The following AFF2 variants were observed in gnomAD, a reference collection of about 807,000 sequenced individuals.
AFF2 encodes AF4/FMR2 family member 2.
In AFF2, 14 loss-of-function variants were observed where a neutral mutation model predicts 76.9. The ratio of observed to expected loss-of-function variants is 0.18; its 90% CI spans 0.12 to 0.28. The LOEUF is 0.28. Ranked by LOEUF, AFF2 falls within the 10% of genes least tolerant of loss-of-function variation. AFF2 has a pLI of 1.00. For missense variants in AFF2, 868 were observed against 1,001.1 expected (o/e 0.87, Z 1.79); for synonymous variants, 398 against 366.7 (o/e 1.09, Z -0.98).
At chrX:148,520,799 A>C (rs1263501212) in intron 1 of AFF2, among the ~76,000 whole-genome samples, 1 of 112,631 alleles carries the variant, frequency 8.9e-6, no homozygotes, top group South Asian at 3.6e-4. Flanking sequence ...TTTCTAAAAA[A>C]AATATTAAGG....
At chrX:148,717,712 A>G (rs1423490717) in intron 3 of AFF2, among the ~76,000 whole-genome samples, 6 of 111,425 alleles carry the variant, frequency 5.4e-5, no homozygotes, top group African/African-American at 2.0e-4. Flanking sequence ...AAAGGGTCAT[A>G]AGAAGGGGCA....
intron 3 of AFF2, among the ~76,000 whole-genome samples, chrX:148,721,718 T>C (rs1325182820): frequency 8.9e-6 from 1 of 111,997 alleles, no homozygotes; most frequent in African/African-American, 3.2e-5. Flanking sequence ...ATAACAAACA[T>C]TTATTGTCTC....
intron 3 of AFF2, among the ~76,000 whole-genome samples, chrX:148,793,569 C>T (rs1232528875): frequency 4.5e-5 from 5 of 111,459 alleles, no homozygotes; most frequent in Non-Finnish European, 9.4e-5. Context: ...AGAAGAAGCT[C>T]GATTAGAGCT....
At chrX:148,581,421 T>C (rs782436004) in intron 1 of AFF2, among the ~76,000 whole-genome samples, 1 of 32,900 alleles carries the variant, frequency 3.0e-5, no homozygotes, top group African/African-American at 1.1e-4. Context: ...CATATACGTA[T>C]ACGTCTACGT....
At chrX:148,816,401 T>C (rs2070265303) in intron 4 of AFF2, among the ~76,000 whole-genome samples, 1 of 111,699 alleles carries the variant, frequency 9.0e-6, no homozygotes, top group Admixed American at 9.5e-5. Context: ...CCATGATTGA[T>C]GTAACCAAAG....
At chrX:148,755,907 T>C (rs782229575) in intron 3 of AFF2, among the ~76,000 whole-genome samples, 1 of 112,076 alleles carries the variant, frequency 8.9e-6, no homozygotes, top group Non-Finnish European at 1.9e-5. Flanking sequence ...ACAACTGAAG[T>C]TGAAACACTG....
intron 4 of AFF2, among the ~76,000 whole-genome samples, chrX:148,827,618 A>G (rs781809932): frequency 5.4e-5 from 6 of 111,877 alleles, no homozygotes; most frequent in Non-Finnish European, 9.4e-5. Context: ...AATTTCTGAA[A>G]CATATAACAA....
rs781942860 is a variant in AFF2 at position 148,757,935 on chromosome X, A to G, written c.1042-51941A>G. Reference sequence around the variant, plus strand: ...AACTGTAATTTTGTCAAAACATGCAATGTCCTAAATGCTACCACGGAGCTC... The same window carrying G: ...AACTGTAATTTTGTCAAAACATGCAGTGTCCTAAATGCTACCACGGAGCTC... On this transcript the variant is annotated intron_variant, in intron 3 of 20. Coordinates refer to ENST00000370460, the MANE Select transcript of AFF2 (RefSeq NM_002025.4). Among the ~76,000 whole-genome samples the G allele has an allele frequency of 7.1e-5, 8 of 112,605 alleles. No homozygotes were observed. In the South Asian group the frequency reaches 2.2e-3, roughly 31 times the overall value.
chrX:148,616,513 A>G (rs1299851964), intron 1 of AFF2, among the ~76,000 whole-genome samples: 1 of 111,523 alleles, frequency 9.0e-6, no homozygotes, highest in Non-Finnish European at 1.9e-5. Flanking sequence ...GTTGGTATAC[A>G]ATAACCAAAA....
intron 3 of AFF2, among the ~76,000 whole-genome samples, chrX:148,752,241 C>T (rs1333420915): frequency 2.7e-5 from 3 of 111,928 alleles, no homozygotes; most frequent in Non-Finnish European, 5.6e-5. Flanking sequence ...TGCTAATAAT[C>T]GACTCTACCT....
chrX:148,666,922 G>T (rs782476580), intron 3 of AFF2, among the ~76,000 whole-genome samples: 1 of 112,239 alleles, frequency 8.9e-6, no homozygotes, highest in Admixed American at 9.4e-5. Flanking sequence ...GGTGCAATTT[G>T]TTATTAGTAT....
intron 3 of AFF2, among the ~76,000 whole-genome samples, chrX:148,721,187 A>G (rs181326563): frequency 1.1e-4 from 12 of 112,291 alleles, no homozygotes; most frequent in Admixed American, 1.0e-3. Flanking sequence ...ATGCAAAGGA[A>G]AATATATGCA....
chrX:148,524,123 C>CTCTCTGTGTG (rs1392390338), intron 1 of AFF2, among the ~76,000 whole-genome samples: 1 of 83,464 alleles, frequency 1.2e-5, no homozygotes, highest in African/African-American at 5.2e-5. Flanking sequence ...CTCTCTCTCT[C>CTCTCTGTGTG]TGTGTGTGTG....
chrX:148,673,025 G>T (rs1278234347), intron 3 of AFF2, among the ~76,000 whole-genome samples: 1 of 111,630 alleles, frequency 9.0e-6, no homozygotes, highest in Admixed American at 9.5e-5. Context: ...AACTGTCTAG[G>T]ATCATCAAAT....
At chrX:148,945,762 T>C (rs187688512) in intron 9 of AFF2, among the ~76,000 whole-genome samples, 60 of 112,561 alleles carry the variant, frequency 5.3e-4, no homozygotes, top group African/African-American at 1.8e-3. Context: ...GTAAGGAAAC[T>C]GAGACCCTTA....
intron 3 of AFF2, among the ~76,000 whole-genome samples, chrX:148,678,014 C>A (rs1557259617): frequency 9.0e-6 from 1 of 111,481 alleles, no homozygotes; most frequent in Non-Finnish European, 1.9e-5. Context: ...TCCATAGTTC[C>A]TAGGATTGCA....
chrX:148,752,274 A>T (rs958368493), intron 3 of AFF2, among the ~76,000 whole-genome samples: 2 of 112,159 alleles, frequency 1.8e-5, no homozygotes, highest in Non-Finnish European at 3.8e-5. Context: ...CAAACAAGTT[A>T]TAATATGAAC....
intron 4 of AFF2, among the ~76,000 whole-genome samples, chrX:148,824,558 A>C (rs782779267): frequency 2.7e-5 from 3 of 111,913 alleles, no homozygotes; most frequent in African/African-American, 9.7e-5. Flanking sequence ...TTTGTCAGTT[A>C]TACCTCCATA....
chrX:148,739,302 G>A (rs1297408272), intron 3 of AFF2, among the ~76,000 whole-genome samples: 5 of 111,663 alleles, frequency 4.5e-5, no homozygotes, highest in African/African-American at 1.6e-4. Flanking sequence ...GACCTCCAGT[G>A]TTAGGTGCAT....
Sources: gnomAD v4.1 joint callset for allele counts (sites outside exome capture counted in the v4.1 genomes callset) on GRCh38, gnomAD v4.1.1 for gene constraint, MANE v1.5 for transcripts, NCBI Gene and HGNC (gene_info 2026-07-23, HGNC 2026-07-21) for gene names.